Variants in SYN3 observed in about 807,000 individuals in gnomAD.
SYN3 encodes synapsin III.
In SYN3, 35 loss-of-function variants were observed where a neutral mutation model predicts 65.8. The observed-to-expected ratio is 0.53, with a 90% CI of 0.41 to 0.70. The LOEUF (loss-of-function observed/expected upper bound fraction) is 0.70. Among genes scored for constraint, SYN3 ranks in the 30% least tolerant of loss-of-function variants. The probability of loss-of-function intolerance (pLI) is 0.00; values close to 1 mark genes in which losing one functional copy is unlikely to be tolerated. For synonymous variants in SYN3, 270 were observed against 292.9 expected (o/e 0.92, Z 0.80); for missense variants, 680 against 749.0 (o/e 0.91, Z 1.08).
At chr22:32,830,978 CA>C (rs1178057939) in intron 6 of SYN3, among the ~76,000 whole-genome samples, 2 of 152,056 alleles carry the variant, frequency 1.3e-5, no homozygotes, top group African/African-American at 4.8e-5. Flanking sequence ...ACCAGGGGCA[CA>C]GGGGTGGGGG....
intron 7 of SYN3, chr22:32,584,238 A>C (rs1038186648): frequency 2.6e-5 from 4 of 152,202 alleles, no homozygotes; most frequent in Non-Finnish European, 5.9e-5. Flanking sequence ...CTTACTGTGC[A>C]TCGGGCAAAC....
chr22:32,847,615 A>T (rs2048104886), intron 6 of SYN3, among the ~76,000 whole-genome samples: 1 of 152,234 alleles, frequency 6.6e-6, no homozygotes, highest in Non-Finnish European at 1.5e-5. Context: ...TTTTAAAAAC[A>T]GAGATTAGAG....
intron 3 of SYN3, among the ~76,000 whole-genome samples, chr22:32,935,448 A>ATTTTT (rs137556): frequency 1.6e-5 from 2 of 124,062 alleles, no homozygotes; most frequent in Non-Finnish European, 1.7e-5. Flanking sequence ...TTGGTATGGT[A>ATTTTT]TTTTTTTTTT....
At chr22:33,055,697 A>G (rs2054243579) in intron 1 of SYN3, among the ~76,000 whole-genome samples, 1 of 152,230 alleles carries the variant, frequency 6.6e-6, no homozygotes. Context: ...CCTTTCCAAG[A>G]AGGTTATATT....
chr22:33,047,232 A>T lies in SYN3; in HGVS notation c.-163+11060T>A, dbSNP rs9609698. 6.6e-3 allele frequency among the ~76,000 whole-genome samples: 1,011 copies of T among 152,312 alleles called. 5 individuals carry two copies. Among genetic ancestry groups the T allele is most frequent in the Non-Finnish European group, 0.011 (747 of 68,024 alleles). ...CCTTTCCTCTGAGAATATAAGATGC[A>T]TGAGGGTAACCTTATCTGTACTAGT... On this transcript the variant is annotated intron_variant, in intron 1 of 13. Transcript: ENST00000358763.
chr22:32,508,267 C>G lies in SYN3; in HGVS notation c.*5425G>C, dbSNP rs1283010336. On this transcript the variant is annotated 3_prime_UTR_variant, in exon 14 of 14. Coordinates refer to ENST00000358763, the MANE Select transcript of SYN3 (RefSeq NM_003490.4). ...GATTAACCCTGTAAATTTCCTTCTTCTGGCTCAGAAGCTCCCGCACTGAGC... is the reference window on the plus strand; with the variant it reads ...GATTAACCCTGTAAATTTCCTTCTTGTGGCTCAGAAGCTCCCGCACTGAGC... Among the ~76,000 whole-genome samples, 9 of 152,186 alleles carry G rather than the reference C, an allele frequency of 5.9e-5. No individual in the cohort carries two copies. The highest frequency in any genetic ancestry group is 1.5e-5 in the Non-Finnish European group (1 of 68,044).
chr22:32,749,602 C>A (rs756051868), intron 6 of SYN3, among the ~76,000 whole-genome samples: 9 of 152,122 alleles, frequency 5.9e-5, no homozygotes, highest in Non-Finnish European at 7.4e-5. Flanking sequence ...GATCGCACCA[C>A]TGCACTCCAG....
chr22:32,777,927 A>G (rs5754276), intron 6 of SYN3, among the ~76,000 whole-genome samples: 86,718 of 151,996 alleles, frequency 0.57, 25,292 homozygotes, highest in African/African-American at 0.7. Flanking sequence ...TAAAGAAAGA[A>G]TTCCTGGGAT....
intron 1 of SYN3, chr22:33,015,379 T>C: frequency 2.1e-6 from 1 of 467,304 alleles, no homozygotes; most frequent in Non-Finnish European, 3.9e-6. Context: ...GAATTTGTAA[T>C]GAAAGAGCTA....
At chr22:32,771,075 C>T (rs948751939) in intron 6 of SYN3, among the ~76,000 whole-genome samples, 1 of 152,002 alleles carries the variant, frequency 6.6e-6, no homozygotes, top group Non-Finnish European at 1.5e-5. Context: ...CACCCCCCAA[C>T]AGGCCCTGGT....
chr22:32,884,155 C>G (rs1193482789), intron 4 of SYN3, among the ~76,000 whole-genome samples: 2 of 152,364 alleles, frequency 1.3e-5, no homozygotes, highest in African/African-American at 4.8e-5. Flanking sequence ...TCTAAGCTAA[C>G]ACATTTCCCA....
chr22:32,848,405 G>C (rs2048128885), intron 6 of SYN3, among the ~76,000 whole-genome samples: 1 of 152,210 alleles, frequency 6.6e-6, no homozygotes, highest in Non-Finnish European at 1.5e-5. Flanking sequence ...GGCTCAGAAA[G>C]AGGAAGTGGT....
At chr22:32,971,010 G>T (rs1164629916) in intron 3 of SYN3, among the ~76,000 whole-genome samples, 2 of 152,176 alleles carry the variant, frequency 1.3e-5, no homozygotes, top group African/African-American at 4.8e-5. Context: ...AGCTCTCTGG[G>T]TCCCAGTTTC....
At chr22:32,840,249 A>G (rs1171421733) in intron 6 of SYN3, among the ~76,000 whole-genome samples, 1 of 152,216 alleles carries the variant, frequency 6.6e-6, no homozygotes, top group Admixed American at 6.5e-5. Flanking sequence ...ACCTGCTTAA[A>G]TAAAACCAAG....
chr22:32,752,119 A>G (rs1403175967), intron 6 of SYN3, among the ~76,000 whole-genome samples: 1 of 152,166 alleles, frequency 6.6e-6, no homozygotes, highest in Non-Finnish European at 1.5e-5. Context: ...ATACTTGCTG[A>G]GTGAGTACAT....
At chr22:32,900,882 A>G (rs967288253) in intron 4 of SYN3, among the ~76,000 whole-genome samples, 1 of 152,208 alleles carries the variant, frequency 6.6e-6, no homozygotes, top group African/African-American at 2.4e-5. Flanking sequence ...TTATTTGATC[A>G]ATATCTGCCC....
intron 3 of SYN3, among the ~76,000 whole-genome samples, chr22:32,975,808 C>T (rs1017690259): frequency 6.6e-6 from 1 of 152,194 alleles, no homozygotes. Context: ...TAGATTTCTC[C>T]CAAGGTGTAT....
At chr22:32,544,612 G>C (rs573991563) in intron 7 of SYN3, among the ~76,000 whole-genome samples, 37 of 152,284 alleles carry the variant, frequency 2.4e-4, no homozygotes, top group African/African-American at 8.9e-4. Context: ...CTGTACCACT[G>C]TTTTCCCAGT....
At chr22:32,865,445 G>A (rs1340838033) in intron 5 of SYN3, among the ~76,000 whole-genome samples, 1 of 152,190 alleles carries the variant, frequency 6.6e-6, no homozygotes, top group Non-Finnish European at 1.5e-5. Context: ...CTTACTAGCT[G>A]TATAACCTGG....
Sources: gnomAD v4.1 joint callset for allele counts (sites outside exome capture counted in the v4.1 genomes callset) on GRCh38, gnomAD v4.1.1 for gene constraint, MANE v1.5 for transcripts, NCBI Gene and HGNC (gene_info 2026-07-23, HGNC 2026-07-21) for gene names.